The following PTPRQ variants were observed in gnomAD, a reference collection of about 807,000 sequenced individuals.
The protein encoded by PTPRQ is phosphatidylinositol phosphatase PTPRQ.
In PTPRQ, 199 loss-of-function variants were observed where a neutral mutation model predicts 246.0. The ratio of observed to expected loss-of-function variants is 0.81; its 90% CI spans 0.72 to 0.91. PTPRQ has a LOEUF of 0.91. Ranked by LOEUF, PTPRQ falls within the 40% of genes least tolerant of loss-of-function variation. The pLI is 0.00. For synonymous variants in PTPRQ, 869 were observed against 853.2 expected (o/e 1.02, Z -0.32); for missense variants, 2,624 against 2,528.4 (o/e 1.04, Z -0.81).
intron 43 of PTPRQ, among the ~76,000 whole-genome samples, chr12:80,676,494 C>T (rs1226654601): frequency 2.0e-5 from 3 of 152,014 alleles, no homozygotes; most frequent in Admixed American, 6.6e-5. Flanking sequence ...AATACAAAAT[C>T]AGCCAGGCGT....
At chr12:80,605,331 G>T (rs1362870872) in intron 27 of PTPRQ, among the ~76,000 whole-genome samples, 151 bp downstream of exon 27, 3 of 151,320 alleles carry the variant, frequency 2.0e-5, no homozygotes, top group Admixed American at 6.6e-5. Flanking sequence ...CATCTGTAAA[G>T]ATTAATAATA....
At chr12:80,665,165 C>T in intron 39 of PTPRQ, among the ~76,000 whole-genome samples, 1 of 151,970 alleles carries the variant, frequency 6.6e-6, no homozygotes, top group East Asian at 1.9e-4. Context: ...ATTACTGGTG[C>T]AAGTCCCAGA....
At chr12:80,530,631 A>G (rs1895817619) in intron 17 of PTPRQ, among the ~76,000 whole-genome samples, 1 of 152,186 alleles carries the variant, frequency 6.6e-6, no homozygotes, top group East Asian at 1.9e-4. Flanking sequence ...ATCACAAATG[A>G]CGAACAAACA....
At chr12:80,488,045 C>G (rs550515904) in intron 9 of PTPRQ, among the ~76,000 whole-genome samples, 1 of 151,574 alleles carries the variant, frequency 6.6e-6, no homozygotes, top group Non-Finnish European at 1.5e-5. Context: ...AACTGAGGGC[C>G]CTGGATTCTT....
intron 8 of PTPRQ, among the ~76,000 whole-genome samples, chr12:80,473,607 A>G (rs993584180): frequency 6.6e-6 from 1 of 152,372 alleles, no homozygotes; most frequent in Non-Finnish European, 1.5e-5. Context: ...AACTCAATAA[A>G]CATATTTTTA....
At chr12:80,498,818 A>T (rs1894707947) in intron 14 of PTPRQ, among the ~76,000 whole-genome samples, 1 of 151,986 alleles carries the variant, frequency 6.6e-6, no homozygotes, top group Non-Finnish European at 1.5e-5. Flanking sequence ...CATCAAGAAC[A>T]CCTTATTTTA....
intron 37 of PTPRQ, among the ~76,000 whole-genome samples, chr12:80,651,907 A>G (rs1900270797): frequency 6.6e-6 from 1 of 152,046 alleles, no homozygotes. Context: ...ACAATTGTCC[A>G]GATTTTAATT....
At chr12:80,503,265 C>T (rs12297821) in intron 14 of PTPRQ, among the ~76,000 whole-genome samples, 45,507 of 151,566 alleles carry the variant, frequency 0.3, 8,185 homozygotes, top group African/African-American at 0.5. Flanking sequence ...TGAGGATTTT[C>T]CTCAATGTAA....
At chr12:80,525,595 A>G (rs1251285088) in intron 17 of PTPRQ, among the ~76,000 whole-genome samples, 17 of 142,108 alleles carry the variant, frequency 1.2e-4, no homozygotes, top group Admixed American at 1.1e-3. Context: ...CTTTGGGTAC[A>G]TGGTTTAAAT....
rs1238341806 is a variant in PTPRQ at position 80,649,669 on chromosome 12, G to A, written c.6024G>A (p.Ser2008=). The change falls in exon 37 of 45, where the codon TCG becomes TCA. Residue 2008 remains serine, a splice_region_variant and synonymous_variant. Coordinates refer to ENST00000644991, the MANE Select transcript of PTPRQ (RefSeq NM_001145026.2). The part of the protein sequence containing the change: ...NNNLKFQEEF[S]ELPKFLQDLS... Reference sequence around the variant, plus strand: ...ACCTAAAGTTTCAAGAAGAATTTTCGGTATGTTACTAGCAGTTGTCACAAC... The same window carrying A: ...ACCTAAAGTTTCAAGAAGAATTTTCAGTATGTTACTAGCAGTTGTCACAAC... 7 of 1,547,330 alleles carry A rather than the reference G, an allele frequency of 4.5e-6. 1 individual carries two copies. The highest frequency in any genetic ancestry group is 4.9e-5 in the East Asian group (2 of 40,760).
intron 36 of PTPRQ, among the ~76,000 whole-genome samples, chr12:80,649,260 A>G (rs1484671263): frequency 6.6e-6 from 1 of 152,146 alleles, no homozygotes; most frequent in Non-Finnish European, 1.5e-5. Flanking sequence ...TTTCTGTCTG[A>G]CAAAGAGGTA....
rs1230954560 is a variant in PTPRQ at position 80,635,054 on chromosome 12, A to ATC, written c.5896_5897insTC (p.Lys1966IlefsTer6). 1 of 1,550,886 alleles carries ATC rather than the reference A, an allele frequency of 6.4e-7. No homozygotes were observed. The highest frequency in any genetic ancestry group is 2.0e-5 in the Admixed American group (1 of 50,936). ...CATCACAGTGGCAGACCTGGAACTG[A>ATC]AGGACGAGAGATTAACGCGGTGAGC... On this transcript the variant is annotated frameshift_variant, in exon 35 of 45. Transcript: ENST00000644991. LOFTEE classifies it high-confidence loss of function.
chr12:80,446,323 T>G (rs1007539277), intron 3 of PTPRQ, among the ~76,000 whole-genome samples: 2 of 151,644 alleles, frequency 1.3e-5, no homozygotes, highest in Non-Finnish European at 3.0e-5. Flanking sequence ...TCCATAACAG[T>G]AAAATAATAA....
Position 80,468,794 on chromosome 12 carries a change from T to G in PTPRQ, c.995T>G (p.Val332Gly). ...ATTTTATGGGACCCACCAACTATAG[T>G]AACAGGGAAATTTAGTTATAGAGTT... ...FSILWDPPTIVTGKFSYRVEL... is the reference protein window; with the variant it reads ...FSILWDPPTIGTGKFSYRVEL... The change falls in exon 7 of 45, where the codon GTA becomes GGA. Residue 332 changes from valine (V) to glycine (G), a missense_variant. Physicochemically the swap from Val to Gly is moderately radical, Grantham distance 109. Coordinates refer to ENST00000644991, the MANE Select transcript of PTPRQ (RefSeq NM_001145026.2). 6.5e-7 allele frequency: 1 copy of G among 1,550,168 alleles called. No individual in the cohort carries two copies. Among genetic ancestry groups the G allele is most frequent in the Non-Finnish European group, 8.7e-7 (1 of 1,146,268 alleles).
At chr12:80,639,624 T>A (rs2121192158) in intron 35 of PTPRQ, among the ~76,000 whole-genome samples, 1 of 152,366 alleles carries the variant, frequency 6.6e-6, no homozygotes, top group Middle Eastern at 3.4e-3. Context: ...GAAGTGTACA[T>A]GTTGAATTTT....
chr12:80,514,332 C>T (rs895160110), intron 17 of PTPRQ, among the ~76,000 whole-genome samples: 2 of 146,178 alleles, frequency 1.4e-5, no homozygotes, highest in Non-Finnish European at 3.0e-5. Context: ...GTAAATGGAA[C>T]GTAGAAAACA....
chr12:80,547,900 C>T (rs1896356090), intron 24 of PTPRQ, among the ~76,000 whole-genome samples: 1 of 151,950 alleles, frequency 6.6e-6, no homozygotes, highest in Admixed American at 6.6e-5. Context: ...GATGAAGAAG[C>T]CATGATTGAG....
At position 80,489,983 on chromosome 12, in the gene PTPRQ, G is replaced by GT. The variant is rs1894394246; in HGVS notation, c.1360-3291dup. Among the ~76,000 whole-genome samples the GT allele has an allele frequency of 7.5e-5, 4 of 53,066 alleles. No individual in the cohort carries two copies. The South Asian group carries it at 3.6e-3, about 47-fold the overall frequency. The allele number at this position is 53,066 out of a possible 152,430, so 34.8% of individuals were successfully genotyped here. ...ATATCAACGTTTGTCACTGGTGAAT[G>GT]TAAGAAGAAAGTCTTGTGCTAAGGG... On this transcript the variant is annotated intron_variant, in intron 9 of 44. Transcript: ENST00000644991.
chr12:80,667,317 G>A (rs1450646061), intron 39 of PTPRQ, among the ~76,000 whole-genome samples: 1 of 151,842 alleles, frequency 6.6e-6, no homozygotes, highest in Non-Finnish European at 1.5e-5. Context: ...TGTGAAGTTT[G>A]GAGATGGGCT....
Sources: allele counts gnomAD v4.1 joint callset (sites outside exome capture counted in the v4.1 genomes callset), GRCh38; gene constraint gnomAD v4.1.1; transcripts MANE v1.5; gene names NCBI Gene and HGNC (gene_info 2026-07-23, HGNC 2026-07-21).